The following EHMT1 variants were observed in gnomAD, a reference collection of about 807,000 sequenced individuals.
EHMT1 encodes the protein histone-lysine N-methyltransferase EHMT1.
A neutral mutation model predicts 147.2 loss-of-function variants in EHMT1; 15 were observed. The ratio of observed to expected loss-of-function variants is 0.10; its 90% CI spans 0.07 to 0.16. The LOEUF (loss-of-function observed/expected upper bound fraction) is 0.16, where lower values mean the gene tolerates loss of function less well. EHMT1 is among the 10% of genes least tolerant of loss of function. EHMT1 has a pLI of 1.00. For synonymous variants in EHMT1, 795 were observed against 709.6 expected (o/e 1.12, Z -1.91); for missense variants, 1,587 against 1,772.4 (o/e 0.90, Z 1.88).
intron 1 of EHMT1, among the ~76,000 whole-genome samples, chr9:137,639,911 A>G (rs984297473): frequency 1.3e-5 from 2 of 152,218 alleles, no homozygotes; most frequent in Non-Finnish European, 2.9e-5. Flanking sequence ...CAGACATTTG[A>G]GACCCACCCT....
intron 1 of EHMT1, among the ~76,000 whole-genome samples, chr9:137,699,004 C>T (rs762704849): frequency 6.6e-6 from 1 of 151,580 alleles, no homozygotes; most frequent in Non-Finnish European, 1.5e-5. Flanking sequence ...GGGAACCTCA[C>T]CTGCAGGGTG....
At chr9:137,704,034 C>T (rs1944048524) in intron 1 of EHMT1, among the ~76,000 whole-genome samples, 1 of 152,068 alleles carries the variant, frequency 6.6e-6, no homozygotes, top group Non-Finnish European at 1.5e-5. Context: ...GCACATCTTA[C>T]CTGGCCATAA....
chr9:137,623,714 C>T (rs1843082006), intron 1 of EHMT1, among the ~76,000 whole-genome samples: 1 of 152,202 alleles, frequency 6.6e-6, no homozygotes, highest in African/African-American at 2.4e-5. Flanking sequence ...AGCCTCCGCA[C>T]CCGGCCGCAA....
At chr9:137,701,342 G>A (rs1311240014) in intron 1 of EHMT1, among the ~76,000 whole-genome samples, 1 of 150,770 alleles carries the variant, frequency 6.6e-6, no homozygotes, top group Admixed American at 6.6e-5. Flanking sequence ...GGAGTGCAAT[G>A]ATGCGATCTC....
Position 137,717,016 on chromosome 9 carries a change from C to T in EHMT1, c.476C>T (p.Ala159Val). Residue 159 changes from alanine to valine, a missense_variant, in exon 3 of 27, where the codon GCT becomes GTT. Ala to Val is a moderately conservative substitution (Grantham distance 64, BLOSUM62 0). Around this residue, in one of 7 missense-constraint regions of EHMT1, gnomAD observed 810 missense variants for 673.0 expected, o/e 1.20. Coordinates refer to ENST00000460843, the MANE Select transcript of EHMT1 (RefSeq NM_024757.5). ...GCTGCAAAAACCCTTCCTGGAGGGG[C>T]TGGCAAAGGCAGGACTCCAAGCGCT... ...GHAAKTLPGG[A>V]GKGRTPSAFP... 6.2e-7 allele frequency: 1 copy of T among 1,606,572 alleles called. No individual in the cohort carries two copies. The highest frequency in any genetic ancestry group is 8.5e-7 in the Non-Finnish European group (1 of 1,175,262).
rs773779920 is a variant in EHMT1, at chr9:137,743,989, G to C, written c.1069G>C (p.Glu357Gln). Reference sequence around the variant, plus strand: ...GGATGAGGACGACTCAGAGGAGCTCGAGGAGGACGACGGCCATGGTGCAGA... The same window carrying C: ...GGATGAGGACGACTCAGAGGAGCTCCAGGAGGACGACGGCCATGGTGCAGA... ...DSDEDDSEEL[E>Q]EDDGHGAEQA... is the part of the protein sequence containing the mutation. Residue 357 changes from glutamate to glutamine, a missense_variant, in exon 6 of 27, where the codon GAG (glutamate) becomes CAG (glutamine). Glu to Gln is a conservative substitution (Grantham distance 29, BLOSUM62 2). Transcript: ENST00000460843. 6.2e-7 allele frequency: 1 copy of C among 1,613,940 alleles called. No homozygotes were observed. The highest frequency in any genetic ancestry group is 1.3e-5 in the African/African-American group (1 of 74,944).
chr9:137,733,157 C>G (rs72766933), intron 4 of EHMT1, among the ~76,000 whole-genome samples: 2,403 of 152,344 alleles, frequency 0.016, 25 homozygotes, highest in Middle Eastern at 0.034. Context: ...AAGATCTGTG[C>G]TGTGCAAGAA....
At chr9:137,818,035 C>T in intron 24 of EHMT1, 25 bp from the exon 25 acceptor site, 1 of 1,613,632 alleles carries the variant, frequency 6.2e-7, no homozygotes, top group Non-Finnish European at 8.5e-7. Context: ...CTTCCAGGGC[C>T]TCACCTGCAC....
intron 1 of EHMT1, among the ~76,000 whole-genome samples, chr9:137,688,807 A>G (rs1185832157): frequency 2.6e-5 from 4 of 152,178 alleles, no homozygotes; most frequent in African/African-American, 9.7e-5. Context: ...ATATCACTGC[A>G]TGGACAGCAG....
intron 25 of EHMT1, among the ~76,000 whole-genome samples, chr9:137,829,699 C>T (rs1311643843): frequency 6.6e-6 from 1 of 152,266 alleles, no homozygotes; most frequent in African/African-American, 2.4e-5. Flanking sequence ...GGGAGACTGG[C>T]CAACGGCCTG....
At position 137,813,555 on chromosome 9, in the gene EHMT1, G is replaced by C. The variant is rs1429056532; in HGVS notation, c.3180+25G>C. ...GGTGAGTGACGGCAGATGAAGGGCTGACTCAGGCCAGGACATGGGACAGGC... is the reference window on the plus strand; with the variant it reads ...GGTGAGTGACGGCAGATGAAGGGCTCACTCAGGCCAGGACATGGGACAGGC... On this transcript the variant is annotated intron_variant, in intron 21 of 26. Transcript: ENST00000460843. The surrounding 1 kb of genome is among the most constrained non-coding windows in gnomAD (Gnocchi z 4.9). 1 of 1,612,974 alleles carries C rather than the reference G, an allele frequency of 6.2e-7. No homozygotes were observed. The highest frequency in any genetic ancestry group is 1.7e-5 in the Admixed American group (1 of 59,972).
At chr9:137,675,773 C>T (rs375621054) in intron 1 of EHMT1, among the ~76,000 whole-genome samples, 5 of 139,412 alleles carry the variant, frequency 3.6e-5, no homozygotes, top group Non-Finnish European at 7.6e-5. Flanking sequence ...CAACCACGCC[C>T]GGCTAATTTT....
chr9:137,664,731 G>A (rs954285547), intron 1 of EHMT1, among the ~76,000 whole-genome samples: 2 of 152,122 alleles, frequency 1.3e-5, no homozygotes, highest in East Asian at 1.9e-4. Flanking sequence ...GGAGGGAGCC[G>A]AGGTGGAGGG....
At chr9:137,779,488 C>T (rs183417248) in intron 13 of EHMT1, 147 bp from the exon 14 acceptor site, 5 of 790,362 alleles carry the variant, frequency 6.3e-6, no homozygotes, top group Admixed American at 2.2e-5. Context: ...GTCTGCCGGG[C>T]CTTCCAGCCT....
rs779811573 is a variant in EHMT1 at position 137,801,024 on chromosome 9, G to C, written c.2712+40G>C. On this transcript the variant is annotated intron_variant, in intron 18 of 26. Transcript: ENST00000460843. The stretch of plus-strand genomic sequence containing the variant: ...CCCTCCCCGGGAGCCGTGTCCTGGA[G>C]GGGTGGGGACCTCCTCCCCCAGAAG... The C allele has an allele frequency of 1.0e-5, 16 of 1,586,226 alleles. No homozygotes were observed. In the Admixed American group the frequency reaches 2.7e-4, roughly 27 times the overall value.
At chr9:137,822,635 C>T (rs7854186) in intron 25 of EHMT1, among the ~76,000 whole-genome samples, 20,342 of 152,008 alleles carry the variant, frequency 0.13, 4,459 homozygotes, top group African/African-American at 0.46. Flanking sequence ...TGGCTCACGC[C>T]TGTAATCCCA....
At chr9:137,643,893 G>T (rs1040292440) in intron 1 of EHMT1, among the ~76,000 whole-genome samples, 13 of 152,162 alleles carry the variant, frequency 8.5e-5, no homozygotes, top group African/African-American at 3.1e-4. Flanking sequence ...TGCCTTCCAG[G>T]GATTTGGGAA....
chr9:137,799,022 C>T (rs555345429), intron 17 of EHMT1, 108 bp downstream of exon 17: 493 of 930,972 alleles, frequency 5.3e-4, no homozygotes, highest in Admixed American at 9.2e-4. Context: ...TCCCCTCCCA[C>T]GCACAGAGCC....
In EHMT1 at chr9:137,798,875, G is replaced by C. The variant is rs1953190934; in HGVS notation, c.2568G>C (p.Gln856His). The C allele has an allele frequency of 1.2e-6, 2 of 1,614,220 alleles. No homozygotes were observed. The highest frequency in any genetic ancestry group is 2.7e-5 in the African/African-American group (2 of 75,056). The change falls in exon 17 of 27, where the codon CAG becomes CAC. Residue 856 changes from glutamine (Q) to histidine (H), a missense_variant. By Grantham distance (24) the Gln-to-His change is conservative (BLOSUM62 0). Around this residue, in one of 7 missense-constraint regions of EHMT1, gnomAD observed 201 missense variants for 350.1 expected, o/e 0.57. Transcript: ENST00000460843. ...AAKKGHYEVV[Q>H]YLLSNGQMDV... ...AGAAAGGCCACTACGAAGTGGTCCA[G>C]TACCTGCTTTCAAATGGACAGATGG...
Sources: gnomAD v4.1 joint callset for allele counts (sites outside exome capture counted in the v4.1 genomes callset) on GRCh38, gnomAD v4.1.1 for gene constraint, gnomAD v4.1.1 regional missense constraint, Gnocchi (gnomAD v3.1) non-coding constraint, MANE v1.5 for transcripts, NCBI Gene and HGNC (gene_info 2026-07-23, HGNC 2026-07-21) for gene names.